Variants in SLC23A2 observed in about 807,000 individuals in gnomAD.
SLC23A2 encodes the protein Na(+)/L-ascorbic acid transporter 2.
SLC23A2 carries 36 observed loss-of-function variants against 73.3 expected under a neutral mutation model. That is an observed-to-expected ratio of 0.49 (90% CI 0.38 to 0.65). The LOEUF is 0.65. Ranked by LOEUF, SLC23A2 falls within the 30% of genes least tolerant of loss-of-function variation. SLC23A2 has a pLI of 0.00. For missense variants in SLC23A2, 507 were observed against 841.6 expected (o/e 0.60, Z 4.92); for synonymous variants, 343 against 327.3 (o/e 1.05, Z -0.52).
At chr20:5,002,943 A>T (rs1053816171), upstream of SLC23A2, among the ~76,000 whole-genome samples, 3 of 152,258 alleles carry the variant, frequency 2.0e-5, no homozygotes, top group Admixed American at 2.0e-4. Flanking sequence ...TGACAAAATG[A>T]ACCTTCTAAT....
At chr20:4,887,960 TGA>T (rs1441301307) in intron 6 of SLC23A2, among the ~76,000 whole-genome samples, 1 of 152,182 alleles carries the variant, frequency 6.6e-6, no homozygotes, top group Non-Finnish European at 1.5e-5. Flanking sequence ...CTGAAGGTGA[TGA>T]GAGTGGCTTT....
intron 4 of SLC23A2, among the ~76,000 whole-genome samples, chr20:4,906,411 A>G (rs144325289): frequency 3.9e-5 from 6 of 152,208 alleles, no homozygotes; most frequent in Non-Finnish European, 7.4e-5. Flanking sequence ...CAATCACTTG[A>G]GGTCAGCCTG....
rs559836828 is a variant in SLC23A2 at position 4,883,779 on chromosome 20, G to A, written c.687C>T (p.Ile229=). ...GAGCCCCAGGCAGGCCGAGGAGGCC[G>A]ATGACTACTTCTATCAGTGAGGACA... ...IIMSSLIEVV[I]GLLGLPGALL... The change falls in exon 9 of 17, where the codon ATC becomes ATT. Residue 229 remains isoleucine (I), a synonymous_variant. Transcript: ENST00000338244. The surrounding 1 kb of genome is among the most constrained non-coding windows in gnomAD (Gnocchi z 4.5). 14 of 1,613,482 alleles carry A rather than the reference G, an allele frequency of 8.7e-6. No homozygotes were observed. Among genetic ancestry groups the A allele is most frequent in the Admixed American group, 5.0e-5 (3 of 59,940 alleles).
At chr20:4,908,442 C>T (rs1268515559) in intron 4 of SLC23A2, among the ~76,000 whole-genome samples, 1 of 152,156 alleles carries the variant, frequency 6.6e-6, no homozygotes, top group Non-Finnish European at 1.5e-5. Context: ...TCAACAGCCC[C>T]TGATTTGATT....
At chr20:4,966,916 C>T (rs1192959022) in intron 2 of SLC23A2, among the ~76,000 whole-genome samples, 1 of 142,906 alleles carries the variant, frequency 7.0e-6, no homozygotes, top group East Asian at 2.0e-4. Context: ...CCTACACAGT[C>T]AGCTGGGCAG....
intron 4 of SLC23A2, 134 bp downstream of exon 4, chr20:4,912,746 C>T (rs1275804460): frequency 5.9e-6 from 4 of 677,686 alleles, no homozygotes; most frequent in South Asian, 1.7e-5. Flanking sequence ...GAACACAGCC[C>T]CTTGGGAGTC....
chr20:4,942,572 G>T (rs1242893760), intron 2 of SLC23A2, among the ~76,000 whole-genome samples: 1 of 152,162 alleles, frequency 6.6e-6, no homozygotes, highest in African/African-American at 2.4e-5. Flanking sequence ...AAATGCAGAA[G>T]CTTTTAATCA....
At chr20:4,935,104 G>A (rs1021721519) in intron 2 of SLC23A2, among the ~76,000 whole-genome samples, 3 of 147,718 alleles carry the variant, frequency 2.0e-5, no homozygotes, top group East Asian at 4.2e-4. Context: ...GGAGAATGGC[G>A]TGAACCCAGG....
chr20:4,985,073 G>T (rs2087801720), intron 1 of SLC23A2, among the ~76,000 whole-genome samples: 1 of 150,588 alleles, frequency 6.6e-6, no homozygotes, highest in African/African-American at 2.4e-5. Flanking sequence ...GGACGTGGAG[G>T]TTACAGTGAG....
At position 4,998,862 on chromosome 20, in the gene SLC23A2, T is replaced by C. The variant is rs1342095225; in HGVS notation, c.-282+2544A>G. Among the ~76,000 whole-genome samples, 4 of 149,888 alleles carry C rather than the reference T, an allele frequency of 2.7e-5. No individual in the cohort carries two copies. The highest frequency in any genetic ancestry group is 2.0e-4 in the Admixed American group (3 of 14,778). ...CTCTGTCACCCAGGCTGGAGTGCAGTGGCACGATCTCGACTCACTGCAAAC... is the reference window on the plus strand; with the variant it reads ...CTCTGTCACCCAGGCTGGAGTGCAGCGGCACGATCTCGACTCACTGCAAAC... On this transcript the variant is annotated intron_variant, in intron 1 of 16. Coordinates refer to ENST00000338244, the MANE Select transcript of SLC23A2 (RefSeq NM_005116.6). The surrounding 1 kb of genome is among the most constrained non-coding windows in gnomAD (Gnocchi z 4.1).
chr20:4,957,074 T>C (rs971322272), intron 2 of SLC23A2, among the ~76,000 whole-genome samples: 5 of 152,092 alleles, frequency 3.3e-5, no homozygotes, highest in Admixed American at 2.6e-4. Context: ...CCCAAAGTGC[T>C]GGGATTACAG....
chr20:4,996,529 T>C (rs1174496903), intron 1 of SLC23A2, among the ~76,000 whole-genome samples: 1 of 151,356 alleles, frequency 6.6e-6, no homozygotes, highest in Non-Finnish European at 1.5e-5. Flanking sequence ...CTACTAAAAA[T>C]ACAAAAATTA....
chr20:4,954,382 A>G (rs1310778831), intron 2 of SLC23A2, among the ~76,000 whole-genome samples: 3 of 152,058 alleles, frequency 2.0e-5, no homozygotes, highest in Non-Finnish European at 4.4e-5. Flanking sequence ...GCCACAAGGA[A>G]AATTTCAAAC....
chr20:4,948,037 C>T (rs1387861235), intron 2 of SLC23A2, among the ~76,000 whole-genome samples: 1 of 152,186 alleles, frequency 6.6e-6, no homozygotes, highest in Non-Finnish European at 1.5e-5. Context: ...CATCCTCTTT[C>T]CAGCACAGTC....
intron 3 of SLC23A2, among the ~76,000 whole-genome samples, chr20:4,914,367 T>A (rs1932255108): frequency 6.6e-6 from 1 of 152,096 alleles, no homozygotes; most frequent in South Asian, 2.1e-4. Flanking sequence ...CATATCATTT[T>A]AAATTATGGA....
At chr20:4,864,278 C>G (rs541464002) in intron 13 of SLC23A2, among the ~76,000 whole-genome samples, 1 of 152,324 alleles carries the variant, frequency 6.6e-6, no homozygotes, top group Admixed American at 6.5e-5. Context: ...GGCCACATCT[C>G]AAGTGCCCAC....
intron 11 of SLC23A2, among the ~76,000 whole-genome samples, chr20:4,873,657 G>A (rs1930539309): frequency 6.6e-6 from 1 of 152,186 alleles, no homozygotes; most frequent in Non-Finnish European, 1.5e-5. Flanking sequence ...GGCCACCAGA[G>A]CTTAAACCTG....
At chr20:4,934,796 G>A (rs2086934968) in intron 2 of SLC23A2, among the ~76,000 whole-genome samples, 1 of 151,918 alleles carries the variant, frequency 6.6e-6, no homozygotes, top group African/African-American at 2.4e-5. Flanking sequence ...CTGGGAGCCG[G>A]ACGTTGCAGT....
chr20:4,886,723 C>T (rs892788317), intron 6 of SLC23A2, among the ~76,000 whole-genome samples: 1 of 152,142 alleles, frequency 6.6e-6, no homozygotes, highest in Non-Finnish European at 1.5e-5. Context: ...TATGGGTTAG[C>T]ATGAGAACTT....
Sources: gnomAD v4.1 joint callset for allele counts (sites outside exome capture counted in the v4.1 genomes callset) on GRCh38, gnomAD v4.1.1 for gene constraint, Gnocchi (gnomAD v3.1) non-coding constraint, MANE v1.5 for transcripts, NCBI Gene and HGNC (gene_info 2026-07-23, HGNC 2026-07-21) for gene names.